The following AMMECR1 variants were observed in gnomAD, a reference collection of about 807,000 sequenced individuals.
The protein encoded by AMMECR1 is AMMECR nuclear protein 1, also known as nuclear protein AMMECR1.
Under a neutral mutation model 22.5 loss-of-function variants are expected in AMMECR1, and 3 were observed. That is an observed-to-expected ratio of 0.13 (90% CI 0.06 to 0.35). The LOEUF is 0.35. Ranked by LOEUF, AMMECR1 falls within the 10% of genes least tolerant of loss-of-function variation. AMMECR1 has a pLI of 1.00. For synonymous variants in AMMECR1, 130 were observed against 116.7 expected, an observed-to-expected ratio of 1.11 and a Z score of -0.74; for missense variants, 235 against 278.7, an observed-to-expected ratio of 0.84 and a Z score of 1.12.
Position 110,378,008 on chromosome X carries a change from C to CAAAAAA in AMMECR1, c.-148+48644_-148+48649dup, listed in dbSNP as rs755483656. ...TGGGCGACAGAGCGAGACTCCGTCT[C>CAAAAAA]AAAAAAAAAAAAAAAAAAAAAAAAT... On this transcript the variant is annotated intron_variant, in intron 2 of 7. Transcript: ENST00000372057. Among the ~76,000 whole-genome samples the CAAAAAA allele has an allele frequency of 4.6e-3, 141 of 30,918 alleles. 4 individuals carry two copies. Among genetic ancestry groups the CAAAAAA allele is most frequent in the African/African-American group, 0.016 (117 of 7,217 alleles). 26.8% of individuals were successfully genotyped at this position (30,918 alleles called of 115,157 possible). A position where few individuals can be genotyped will look rare whatever the true frequency, so the allele number is the denominator to read the frequency against.
chrX:110,232,159 A>T (rs1421285403), intron 2 of AMMECR1, among the ~76,000 whole-genome samples: 2 of 111,686 alleles, frequency 1.8e-5, no homozygotes, highest in Non-Finnish European at 3.8e-5. Flanking sequence ...CTCTGCAACA[A>T]GCAGACCTAA....
At chrX:110,378,008 C>CAAAAAAAAA (rs755483656) in intron 2 of AMMECR1, among the ~76,000 whole-genome samples, 4 of 30,946 alleles carry the variant, frequency 1.3e-4, no homozygotes, top group African/African-American at 5.5e-4. Flanking sequence ...GACTCCGTCT[C>CAAAAAAAAA]AAAAAAAAAA....
At chrX:110,409,404 C>G (rs188124347) in intron 2 of AMMECR1, among the ~76,000 whole-genome samples, 138 of 111,883 alleles carry the variant, frequency 1.2e-3, no homozygotes, top group African/African-American at 4.2e-3. Flanking sequence ...TACATTCTCA[C>G]TTGCTGGTAT....
At chrX:110,262,476 C>A (rs1031961607) in intron 2 of AMMECR1, among the ~76,000 whole-genome samples, 1 of 112,115 alleles carries the variant, frequency 8.9e-6, no homozygotes, top group Non-Finnish European at 1.9e-5. Flanking sequence ...CAAATGTAGG[C>A]AAATTTCCAA....
intron 1 of AMMECR1, among the ~76,000 whole-genome samples, chrX:110,296,368 G>A (rs1286311267): frequency 8.9e-6 from 1 of 111,841 alleles, no homozygotes; most frequent in East Asian, 2.8e-4. Flanking sequence ...GTATCTGGGT[G>A]TGAATCCTTT....
chrX:110,292,276 C>T (rs1163411894), intron 1 of AMMECR1, among the ~76,000 whole-genome samples: 1 of 112,059 alleles, frequency 8.9e-6, no homozygotes, highest in Non-Finnish European at 1.9e-5. Flanking sequence ...CAAAATGGTA[C>T]AACCACTTTG....
At chrX:110,332,628 C>T (rs1224694573) in intron 2 of AMMECR1, among the ~76,000 whole-genome samples, 1 of 111,821 alleles carries the variant, frequency 8.9e-6, no homozygotes, top group Admixed American at 9.5e-5. Context: ...CACAGACAAG[C>T]CTTTCTGTTC....
At chrX:110,271,247 C>G (rs1440388179) in intron 1 of AMMECR1, among the ~76,000 whole-genome samples, 2 of 112,332 alleles carry the variant, frequency 1.8e-5, no homozygotes, top group African/African-American at 6.5e-5. Flanking sequence ...TAGGAGACCA[C>G]AAATATCTGA....
At chrX:110,314,375 G>A (rs2068038139) in intron 1 of AMMECR1, among the ~76,000 whole-genome samples, 1 of 111,875 alleles carries the variant, frequency 8.9e-6, no homozygotes, top group African/African-American at 3.3e-5. Flanking sequence ...AGATTCAGTA[G>A]ACTATAACCA....
intron 2 of AMMECR1, among the ~76,000 whole-genome samples, chrX:110,385,392 A>G (rs1278336120): frequency 1.8e-5 from 2 of 111,598 alleles, no homozygotes; most frequent in African/African-American, 3.3e-5. Context: ...TTTAAAGTGT[A>G]CAGTTCAGTC....
At position 110,389,453 on chromosome X, in the gene AMMECR1, G is replaced by C. The variant is rs368085786; in HGVS notation, c.-148+37205C>G. ...TCTCTGCCACTTAGGTCTGCCACAA[G>C]TTGGCTTGCTCCCATGAAAAAGATG... is the stretch of plus-strand genomic sequence containing the variant. On this transcript the variant is annotated intron_variant, in intron 2 of 7. Transcript: ENST00000372057. 1.3e-4 allele frequency among the ~76,000 whole-genome samples: 15 copies of C among 112,165 alleles called. No individual in the cohort carries two copies. In the East Asian group the frequency reaches 1.9e-3, roughly 15 times the overall value.
intron 4 of AMMECR1, 73 bp from the exon 5 acceptor site, chrX:110,201,123 C>T: frequency 1.5e-6 from 1 of 672,933 alleles, no homozygotes; most frequent in Non-Finnish European, 2.2e-6. Context: ...TACAAAATGA[C>T]TTTGTAGAGG....
At chrX:110,372,691 G>C (rs1239207748) in intron 2 of AMMECR1, among the ~76,000 whole-genome samples, 1 of 111,664 alleles carries the variant, frequency 9.0e-6, no homozygotes, top group African/African-American at 3.3e-5. Flanking sequence ...TTAAAACACA[G>C]AGACATACTG....
intron 2 of AMMECR1, among the ~76,000 whole-genome samples, chrX:110,395,662 T>C (rs2068523853): frequency 9.0e-6 from 1 of 111,640 alleles, no homozygotes; most frequent in Non-Finnish European, 1.9e-5. Context: ...TTCAATTACA[T>C]AATCCTAATC....
At chrX:110,296,071 T>C (rs1198836344) in intron 1 of AMMECR1, among the ~76,000 whole-genome samples, 1 of 112,316 alleles carries the variant, frequency 8.9e-6, no homozygotes, top group African/African-American at 3.2e-5. Context: ...CCTGAAGGAT[T>C]ACCTTTCATA....
chrX:110,377,374 G>A (rs929628894), intron 2 of AMMECR1, among the ~76,000 whole-genome samples: 2 of 111,827 alleles, frequency 1.8e-5, no homozygotes, highest in African/African-American at 6.5e-5. Context: ...GATACCTACA[G>A]TCTTCCAGGA....
intron 2 of AMMECR1, among the ~76,000 whole-genome samples, chrX:110,224,731 G>T (rs2067523205): frequency 9.0e-6 from 1 of 110,945 alleles, no homozygotes; most frequent in African/African-American, 3.3e-5. Flanking sequence ...CAGAAATAAA[G>T]TTCCCTAAAT....
At chrX:110,351,726 G>T (rs1460005135) in intron 2 of AMMECR1, among the ~76,000 whole-genome samples, 2 of 111,429 alleles carry the variant, frequency 1.8e-5, no homozygotes, top group Admixed American at 9.5e-5. Context: ...AGCAATAAGA[G>T]AAAAAAATGA....
intron 1 of AMMECR1, among the ~76,000 whole-genome samples, chrX:110,310,731 G>A (rs755236345): frequency 8.9e-6 from 1 of 112,143 alleles, no homozygotes; most frequent in African/African-American, 3.2e-5. Flanking sequence ...CCTAGAGTAT[G>A]AACCCTTGCA....
Sources: allele counts gnomAD v4.1 joint callset (sites outside exome capture counted in the v4.1 genomes callset), GRCh38; gene constraint gnomAD v4.1.1; transcripts MANE v1.5; gene names NCBI Gene and HGNC (gene_info 2026-07-23, HGNC 2026-07-21).